MYO3B: variants seen among roughly 807,000 people sequenced by gnomAD.
The protein encoded by MYO3B is myosin-IIIb.
MYO3B carries 156 observed loss-of-function variants against 174.6 expected under a neutral mutation model. The ratio of observed to expected loss-of-function variants is 0.89; its 90% CI spans 0.78 to 1.02. MYO3B has a LOEUF of 1.02. Ranked by LOEUF, MYO3B falls within the 50% of genes least tolerant of loss-of-function variation. The probability of loss-of-function intolerance (pLI) is 0.00; values close to 1 mark genes in which losing one functional copy is unlikely to be tolerated. For synonymous variants in MYO3B, 563 were observed against 569.1 expected (o/e 0.99, Z 0.15); for missense variants, 1,632 against 1,639.4 (o/e 1.00, Z 0.08).
intron 1 of MYO3B, among the ~76,000 whole-genome samples, chr2:170,198,364 T>G (rs1286093777): frequency 6.6e-6 from 1 of 152,198 alleles, no homozygotes; most frequent in Admixed American, 6.5e-5. Flanking sequence ...GCAGTTTCTT[T>G]TCAGGGACAA....
chr2:170,363,733 G>A (rs2105657568), intron 8 of MYO3B, among the ~76,000 whole-genome samples: 1 of 152,262 alleles, frequency 6.6e-6, no homozygotes, highest in East Asian at 1.9e-4. Context: ...GCTGAAATTT[G>A]CTTCCTTTAT....
At chr2:170,527,926 A>G (rs1347563167) in intron 30 of MYO3B, among the ~76,000 whole-genome samples, 1 of 152,254 alleles carries the variant, frequency 6.6e-6, no homozygotes, top group African/African-American at 2.4e-5. Flanking sequence ...ATCTTTGGCC[A>G]TAACTGGCAT....
chr2:170,194,649 A>G (rs1000377139), intron 1 of MYO3B, among the ~76,000 whole-genome samples: 1 of 152,054 alleles, frequency 6.6e-6, no homozygotes, highest in Non-Finnish European at 1.5e-5. Context: ...ATCCTATTGT[A>G]TTAGTCAGGG....
chr2:170,625,830 G>C (rs1324978773), intron 32 of MYO3B, among the ~76,000 whole-genome samples: 1 of 152,216 alleles, frequency 6.6e-6, no homozygotes, highest in African/African-American at 2.4e-5. Flanking sequence ...TCATTCAGGA[G>C]CAGGTTGTTC....
At chr2:170,536,911 G>C (rs983891541) in intron 30 of MYO3B, among the ~76,000 whole-genome samples, 2 of 152,156 alleles carry the variant, frequency 1.3e-5, no homozygotes, top group African/African-American at 4.8e-5. Context: ...TTAAAAGTAT[G>C]CTGGTCTCGG....
intron 30 of MYO3B, among the ~76,000 whole-genome samples, chr2:170,539,982 A>G (rs746044496): frequency 5.9e-5 from 9 of 152,066 alleles, no homozygotes; most frequent in Non-Finnish European, 1.0e-4. Flanking sequence ...TAGTCAATAT[A>G]CCATAGTCTT....
intron 25 of MYO3B, among the ~76,000 whole-genome samples, chr2:170,468,931 C>T (rs1217374712): frequency 6.6e-6 from 1 of 152,054 alleles, no homozygotes; most frequent in Admixed American, 6.6e-5. Flanking sequence ...GAGGCAGGCA[C>T]ATCACCTGAG....
At chr2:170,550,204 C>T (rs557312849) in intron 32 of MYO3B, among the ~76,000 whole-genome samples, 63 of 152,292 alleles carry the variant, frequency 4.1e-4, no homozygotes, top group Admixed American at 1.3e-3. Flanking sequence ...ACCAGTAAAA[C>T]TTGGTAAAGT....
intron 24 of MYO3B, 109 bp downstream of exon 24, chr2:170,463,554 C>A: frequency 1.1e-6 from 1 of 949,468 alleles, no homozygotes; most frequent in Non-Finnish European, 1.6e-6. Context: ...AGCACAGAGT[C>A]AAGAAAGATT....
chr2:170,623,683 C>A (rs1433468204), intron 32 of MYO3B, among the ~76,000 whole-genome samples: 4 of 152,170 alleles, frequency 2.6e-5, no homozygotes, highest in African/African-American at 9.7e-5. Flanking sequence ...CCTAGGTTTT[C>A]TTCTAGAGTT....
chr2:170,479,290 AT>A (rs1262067139), intron 25 of MYO3B, among the ~76,000 whole-genome samples: 2 of 148,736 alleles, frequency 1.3e-5, no homozygotes, highest in Non-Finnish European at 3.0e-5. Context: ...TCTCAAAAAA[AT>A]AAAAAATAAA....
At chr2:170,382,939 TTGTATGA>T (rs2105738873) in intron 10 of MYO3B, 127 bp from the exon 11 acceptor site, 1 of 626,458 alleles carries the variant, frequency 1.6e-6, no homozygotes, top group East Asian at 2.6e-5. Context: ...ATTAGGGTCA[TTGTATGA>T]TTTAAATGGA....
chr2:170,382,141 T>C (rs2094340536), intron 10 of MYO3B, 29 bp downstream of exon 10: 5 of 1,558,220 alleles, frequency 3.2e-6, no homozygotes, highest in Non-Finnish European at 4.4e-6. Context: ...ACAATTCTCA[T>C]TGAAGACATT....
At chr2:170,606,711 A>G (rs1052268065) in intron 32 of MYO3B, among the ~76,000 whole-genome samples, 2 of 152,198 alleles carry the variant, frequency 1.3e-5, no homozygotes, top group Admixed American at 1.3e-4. Context: ...TAACTCTGCT[A>G]TGATGTTCCT....
intron 32 of MYO3B, among the ~76,000 whole-genome samples, chr2:170,617,388 A>C (rs148694653): frequency 0.024 from 3,648 of 152,310 alleles, 181 homozygotes; most frequent in East Asian, 0.15. Context: ...TACAAGTAAC[A>C]ATTAACACAG....
intron 27 of MYO3B, among the ~76,000 whole-genome samples, chr2:170,501,116 G>A (rs1687243710): frequency 1.3e-5 from 2 of 152,168 alleles, no homozygotes; most frequent in African/African-American, 2.4e-5. Context: ...CCTCGTGGGT[G>A]GCTTAATGCC....
chr2:170,435,604 T>C (rs2094747717), intron 22 of MYO3B, among the ~76,000 whole-genome samples: 1 of 152,224 alleles, frequency 6.6e-6, no homozygotes, highest in African/African-American at 2.4e-5. Context: ...TACTGCGATA[T>C]AACTTAATCT....
chr2:170,634,696 G>T (rs1404577689), intron 32 of MYO3B, among the ~76,000 whole-genome samples: 1 of 152,202 alleles, frequency 6.6e-6, no homozygotes, highest in Non-Finnish European at 1.5e-5. Context: ...TACAGAATGG[G>T]AGGAAATTTT....
At chr2:170,450,110 G>A (rs1407241058) in intron 23 of MYO3B, among the ~76,000 whole-genome samples, 1 of 152,100 alleles carries the variant, frequency 6.6e-6, no homozygotes, top group African/African-American at 2.4e-5. Context: ...ATAATTAAAA[G>A]GCTTAATATA....
Sources: gnomAD v4.1 joint callset for allele counts (sites outside exome capture counted in the v4.1 genomes callset) on GRCh38, gnomAD v4.1.1 for gene constraint, MANE v1.5 for transcripts, NCBI Gene and HGNC (gene_info 2026-07-23, HGNC 2026-07-21) for gene names.